The following SUGT1 variants were observed in gnomAD, a reference collection of about 807,000 sequenced individuals.
SUGT1 encodes protein SGT1 homolog.
Under a neutral mutation model 56.1 loss-of-function variants are expected in SUGT1, and 15 were observed. That is an observed-to-expected ratio of 0.27 (90% CI 0.18 to 0.41). The LOEUF (loss-of-function observed/expected upper bound fraction) is 0.41, where lower values mean the gene tolerates loss of function less well. Ranked by LOEUF, SUGT1 falls within the 10% of genes least tolerant of loss-of-function variation. The pLI, the probability that SUGT1 is intolerant of heterozygous loss-of-function variation, is 1.00. For synonymous variants in SUGT1, 123 were observed against 128.6 expected (o/e 0.96, Z 0.30); for missense variants, 347 against 382.2 (o/e 0.91, Z 0.77).
Position 52,693,610 on chromosome 13 carries a change from A to C in SUGT1, c.*5775A>C, listed in dbSNP as rs549930055. ...GTGCCTCAGTTTTTGTGTCTATGTA[A>C]AGGAGATAATAGGATCCCCCTCATG... On this transcript the variant is annotated 3_prime_UTR_variant, in exon 13 of 13. Transcript: ENST00000310528. The C allele has an allele frequency of 6.6e-6, 1 of 152,158 alleles. No homozygotes were observed. The highest frequency in any genetic ancestry group is 2.1e-4 in the South Asian group (1 of 4,816). The allele number at this position is 152,158 out of a possible 1,614,324, so 9.4% of individuals were successfully genotyped here.
At chr13:52,663,140 T>G in intron 7 of SUGT1, 28 bp downstream of exon 7, 1 of 1,600,652 alleles carries the variant, frequency 6.2e-7, no homozygotes, top group East Asian at 2.2e-5. Flanking sequence ...ATTCTTCATG[T>G]TTTTATTATT....
intron 11 of SUGT1, among the ~76,000 whole-genome samples, chr13:52,677,608 A>G (rs1963200815): frequency 6.6e-6 from 1 of 152,086 alleles, no homozygotes; most frequent in African/African-American, 2.4e-5. Context: ...TATTCCTCCC[A>G]TTTTGCAGGC....
Position 52,653,061 on chromosome 13 carries a change from C to T in SUGT1, c.54C>T (p.Phe18=). 6.2e-7 allele frequency: 1 copy of T among 1,614,156 alleles called. No homozygotes were observed. The highest frequency in any genetic ancestry group is 1.3e-5 in the African/African-American group (1 of 75,032). Residue 18 remains phenylalanine (F), a synonymous_variant, in exon 2 of 13, where the codon TTC becomes TTT. Coordinates refer to ENST00000310528, the MANE Select transcript of SUGT1 (RefSeq NM_006704.5). ...TTCCTGACAGGTTTTTCCAGAGCTT[C>T]TCGGATGCCCTAATCGACGAGGACC... ...TATSQRFFQS[F]SDALIDEDPQ...
At chr13:52,668,845 AAAG>A (rs1355736180) in intron 10 of SUGT1, among the ~76,000 whole-genome samples, 10 of 152,078 alleles carry the variant, frequency 6.6e-5, no homozygotes, top group African/African-American at 2.4e-4. Context: ...AAAAAAAAAA[AAAG>A]ATTGTTAATG....
At chr13:52,663,283 A>G (rs1350388459) in intron 7 of SUGT1, among the ~76,000 whole-genome samples, 171 bp downstream of exon 7, 2 of 152,144 alleles carry the variant, frequency 1.3e-5, no homozygotes, top group Non-Finnish European at 2.9e-5. Flanking sequence ...ATAAATATAG[A>G]AGTTTCCAGT....
chr13:52,683,728 T>C (rs1963463533), intron 12 of SUGT1, among the ~76,000 whole-genome samples: 1 of 152,188 alleles, frequency 6.6e-6, no homozygotes, highest in African/African-American at 2.4e-5. Context: ...ATTTCTTTAT[T>C]AGGAGATTTA....
At chr13:52,666,728 G>T in intron 9 of SUGT1, 84 bp from the exon 10 acceptor site, 1 of 844,908 alleles carries the variant, frequency 1.2e-6, no homozygotes, top group Non-Finnish European at 1.9e-6. Flanking sequence ...TAACATTATT[G>T]AAGATTTGTC....
At chr13:52,665,852 A>G in intron 9 of SUGT1, 119 bp downstream of exon 9, 1 of 669,602 alleles carries the variant, frequency 1.5e-6, no homozygotes, top group Non-Finnish European at 2.4e-6. Context: ...ATGATTTGGA[A>G]AATGTTGAAT....
intron 5 of SUGT1, chr13:52,661,400 C>G (rs184480039): frequency 1.0e-5 from 2 of 200,966 alleles, no homozygotes; most frequent in East Asian, 1.8e-4. Context: ...TCAGGTGATT[C>G]TCCTGCCTCA....
chr13:52,653,583 G>A (rs1194121018), intron 2 of SUGT1, among the ~76,000 whole-genome samples: 1 of 152,054 alleles, frequency 6.6e-6, no homozygotes, highest in Non-Finnish European at 1.5e-5. Context: ...TCACTCATTT[G>A]TATATTCATC....
intron 10 of SUGT1, among the ~76,000 whole-genome samples, chr13:52,669,705 T>C (rs1027262298): frequency 6.6e-6 from 1 of 152,154 alleles, no homozygotes; most frequent in Admixed American, 6.5e-5. Context: ...GTATTTTATA[T>C]ACCATATATA....
At position 52,662,635 on chromosome 13, in the gene SUGT1, T is replaced by G; in HGVS notation, c.329-14T>G. On this transcript the variant is annotated splice_polypyrimidine_tract_variant and intron_variant, in intron 5 of 12. Coordinates refer to ENST00000310528, the MANE Select transcript of SUGT1 (RefSeq NM_006704.5). ...TGCAGATGAGTGATGTTATAGTCAG[T>G]TTTTTCTTTCTAGGTGCAGATGCTA... 1 of 1,613,388 alleles carries G rather than the reference T, an allele frequency of 6.2e-7. No homozygotes were observed. Among genetic ancestry groups the G allele is most frequent in the Non-Finnish European group, 8.5e-7 (1 of 1,179,508 alleles).
At chr13:52,673,528 T>TA (rs758928905) in intron 10 of SUGT1, among the ~76,000 whole-genome samples, 8 of 152,254 alleles carry the variant, frequency 5.3e-5, no homozygotes, top group Non-Finnish European at 7.3e-5. Context: ...AGCAGGTTGT[T>TA]ACTAAGAGCT....
intron 3 of SUGT1, chr13:52,658,075 C>G: frequency 2.5e-6 from 3 of 1,222,148 alleles, no homozygotes; most frequent in Non-Finnish European, 3.1e-6. Flanking sequence ...TAATGTATTT[C>G]TGTATTTTGT....
In SUGT1 at chr13:52,698,221, C is replaced by T. The variant is rs1450305621; in HGVS notation, c.*10386C>T. 1 of 152,116 alleles carries T rather than the reference C, an allele frequency of 6.6e-6. No homozygotes were observed. Among genetic ancestry groups the T allele is most frequent in the African/African-American group, 2.4e-5 (1 of 41,418 alleles). The allele number at this position is 152,116 out of a possible 1,614,324, so 9.4% of individuals were successfully genotyped here. A position where few individuals can be genotyped will look rare whatever the true frequency, so the allele number is the denominator to read the frequency against. On this transcript the variant is annotated 3_prime_UTR_variant, in exon 13 of 13. Transcript: ENST00000310528. ...AACCTCTTATTCCCTGGAATGCAAA[C>T]ATGTATTTGCATTTCATCCACTGTC...
intron 10 of SUGT1, among the ~76,000 whole-genome samples, chr13:52,674,927 A>G (rs911207139): frequency 4.6e-5 from 7 of 152,220 alleles, no homozygotes; most frequent in African/African-American, 1.7e-4. Context: ...TCAGAGGCCT[A>G]GCCTTAATTA....
At chr13:52,685,029 A>G (rs956589501) in intron 12 of SUGT1, among the ~76,000 whole-genome samples, 3 of 151,042 alleles carry the variant, frequency 2.0e-5, no homozygotes, top group African/African-American at 7.3e-5. Context: ...TTGAGTCCCA[A>G]GGTCCCTGGT....
chr13:52,676,905 C>G (rs9526974), intron 11 of SUGT1, among the ~76,000 whole-genome samples: 53,779 of 151,954 alleles, frequency 0.35, 10,344 homozygotes, highest in Admixed American at 0.46. Context: ...GTGTTGAGGT[C>G]AATTTTAAGT....
intron 11 of SUGT1, 64 bp downstream of exon 11, chr13:52,676,384 T>A: frequency 7.8e-7 from 1 of 1,289,820 alleles, no homozygotes; most frequent in Non-Finnish European, 1.1e-6. Context: ...AATTAAATAG[T>A]AATGAACATT....
Sources: gnomAD v4.1 joint callset for allele counts (sites outside exome capture counted in the v4.1 genomes callset) on GRCh38, gnomAD v4.1.1 for gene constraint, MANE v1.5 for transcripts, NCBI Gene and HGNC (gene_info 2026-07-23, HGNC 2026-07-21) for gene names.